Variants in GXYLT2 observed in about 807,000 individuals in gnomAD.
The protein encoded by GXYLT2 is glycosyltransferase 8 domain containing 4.
A neutral mutation model predicts 45.8 loss-of-function variants in GXYLT2; 53 were observed. The observed-to-expected ratio is 1.16, with a 90% CI of 0.93 to 1.46. The LOEUF (loss-of-function observed/expected upper bound fraction) is 1.46. GXYLT2 is among the 40% of genes most tolerant of loss of function. GXYLT2 has a pLI of 0.00. For synonymous variants in GXYLT2, 219 were observed against 214.2 expected, an observed-to-expected ratio of 1.02 and a Z score of -0.19; for missense variants, 551 against 544.4, an observed-to-expected ratio of 1.01 and a Z score of -0.12.
chr3:72,899,112 CT>C (rs1255874252), intron 1 of GXYLT2, among the ~76,000 whole-genome samples: 2 of 152,164 alleles, frequency 1.3e-5, no homozygotes, highest in East Asian at 3.8e-4. Flanking sequence ...TTAAGTCCCC[CT>C]CTCTGGGTTT....
intron 1 of GXYLT2, among the ~76,000 whole-genome samples, chr3:72,902,937 T>C (rs1709435523): frequency 6.6e-6 from 1 of 152,176 alleles, no homozygotes; most frequent in Admixed American, 6.5e-5. Flanking sequence ...CGTTTGAACC[T>C]GGGAGATAGA....
chr3:72,939,468 A>G (rs9854663), intron 3 of GXYLT2, among the ~76,000 whole-genome samples: 86,256 of 151,896 alleles, frequency 0.57, 25,393 homozygotes, highest in Admixed American at 0.64. Context: ...ACAGAAAAGG[A>G]AGCATTATAT....
chr3:72,916,824 A>G (rs538328304), intron 2 of GXYLT2, among the ~76,000 whole-genome samples: 2 of 151,216 alleles, frequency 1.3e-5, no homozygotes, highest in African/African-American at 4.9e-5. Flanking sequence ...GCCCAGCCGC[A>G]GTTGAGTTTT....
chr3:72,912,390 TCTC>T (rs1192040792), intron 2 of GXYLT2, among the ~76,000 whole-genome samples: 2 of 152,068 alleles, frequency 1.3e-5, no homozygotes, highest in African/African-American at 4.8e-5. Context: ...CTCAAGTGAT[TCTC>T]CTGCCTTGGC....
At chr3:72,943,846 A>G (rs1710347346) in intron 3 of GXYLT2, among the ~76,000 whole-genome samples, 1 of 149,778 alleles carries the variant, frequency 6.7e-6, no homozygotes, top group Admixed American at 6.7e-5. Context: ...CTTTCCATTG[A>G]GAGCATCATT....
rs577294961 is a variant in GXYLT2 at position 72,896,659 on chromosome 3, G to A, written c.275+8151G>A. On this transcript the variant is annotated intron_variant, in intron 1 of 6. Coordinates refer to ENST00000389617, the MANE Select transcript of GXYLT2 (RefSeq NM_001080393.2). ...AGATCAGGAGTTCGAGACCATCCTG[G>A]CCAATATGGTGAAACCTGGTCTCTA... 5.9e-5 allele frequency among the ~76,000 whole-genome samples: 9 copies of A among 152,162 alleles called. No homozygotes were observed. The South Asian group carries it at 1.9e-3, about 32-fold the overall frequency.
At chr3:72,933,473 AC>A in intron 3 of GXYLT2, among the ~76,000 whole-genome samples, 1 of 152,356 alleles carries the variant, frequency 6.6e-6, no homozygotes, top group East Asian at 1.9e-4. Flanking sequence ...TATGTTGATT[AC>A]TTACTGTAAC....
At chr3:72,922,386 A>G (rs1709847919) in intron 3 of GXYLT2, 51 bp downstream of exon 3, 16 of 1,571,202 alleles carry the variant, frequency 1.0e-5, no homozygotes, top group African/African-American at 1.4e-5. Flanking sequence ...GAAATAAGGT[A>G]AAATTAGCTG....
At chr3:72,906,329 A>G (rs1481795256) in intron 1 of GXYLT2, among the ~76,000 whole-genome samples, 1 of 151,978 alleles carries the variant, frequency 6.6e-6, no homozygotes, top group African/African-American at 2.4e-5. Flanking sequence ...AGACGTGCAC[A>G]TGGCTCGCTA....
chr3:72,936,175 C>T (rs1710172563), intron 3 of GXYLT2, among the ~76,000 whole-genome samples: 1 of 152,024 alleles, frequency 6.6e-6, no homozygotes, highest in African/African-American at 2.4e-5. Flanking sequence ...CCTGTAGTCC[C>T]AGCTATTTCC....
At chr3:72,904,560 G>T (rs972577052) in intron 1 of GXYLT2, among the ~76,000 whole-genome samples, 1 of 151,606 alleles carries the variant, frequency 6.6e-6, no homozygotes, top group Non-Finnish European at 1.5e-5. Flanking sequence ...TTTTTGTACT[G>T]TGCAGACCCA....
intron 2 of GXYLT2, among the ~76,000 whole-genome samples, chr3:72,916,461 T>C (rs1709745480): frequency 6.6e-6 from 1 of 151,642 alleles, no homozygotes; most frequent in South Asian, 2.1e-4. Context: ...GTGTTGAGTT[T>C]ATAGGTATGA....
intron 1 of GXYLT2, among the ~76,000 whole-genome samples, chr3:72,891,141 T>TAC (rs1187007817): frequency 6.6e-6 from 1 of 152,142 alleles, no homozygotes; most frequent in Non-Finnish European, 1.5e-5. Context: ...AGCCTCGTGT[T>TAC]TTCAGAAAAC....
At position 72,888,506 on chromosome 3, in the gene GXYLT2, G is replaced by A. The variant is rs1036612362; in HGVS notation, c.273G>A (p.Ala91=). The A allele has an allele frequency of 8.1e-7, 1 of 1,235,982 alleles. No homozygotes were observed. Among genetic ancestry groups the A allele is most frequent in the Non-Finnish European group, 1.0e-6 (1 of 987,756 alleles). 76.6% of individuals were successfully genotyped at this position (1,235,982 alleles called of 1,614,324 possible). A position where few individuals can be genotyped will look rare whatever the true frequency, so the allele number is the denominator to read the frequency against. ...GCGCTGCGAGACTGGAGAAGTTGGC[G>A]AGGTGAGTCGTGGCAACCCCAGAAT... ...RRGAARLEKL[A]RRPGEPRSFQ... The change falls in exon 1 of 7, where the codon GCG becomes GCA. Residue 91 remains alanine (A), a splice_region_variant and synonymous_variant. Transcript: ENST00000389617.
intron 1 of GXYLT2, among the ~76,000 whole-genome samples, chr3:72,890,397 A>G (rs916828593): frequency 3.3e-5 from 5 of 152,228 alleles, no homozygotes; most frequent in African/African-American, 9.6e-5. Context: ...CATGCACAAC[A>G]AAGTTTGAGA....
intron 5 of GXYLT2, among the ~76,000 whole-genome samples, chr3:72,958,906 G>A (rs565207270): frequency 5.3e-5 from 8 of 149,966 alleles, no homozygotes; most frequent in African/African-American, 1.7e-4. Flanking sequence ...TGCTGGGATT[G>A]TAGGCATCAG....
intron 3 of GXYLT2, among the ~76,000 whole-genome samples, chr3:72,941,060 C>T (rs1478453100): frequency 1.3e-5 from 2 of 152,192 alleles, no homozygotes; most frequent in Non-Finnish European, 2.9e-5. Flanking sequence ...TGCAAGCTAT[C>T]TGTTCACATT....
intron 3 of GXYLT2, among the ~76,000 whole-genome samples, chr3:72,943,582 G>T (rs1710340235): frequency 2.0e-5 from 3 of 151,958 alleles, no homozygotes. Context: ...TCACCATGTT[G>T]CCCAGGCTGG....
intron 3 of GXYLT2, chr3:72,929,224 TGAG>T (rs910646931): frequency 6.4e-7 from 1 of 1,572,206 alleles, no homozygotes; most frequent in Non-Finnish European, 8.6e-7. Context: ...ACCAATCTCA[TGAG>T]GAGAGGGAAC....
Sources: gnomAD v4.1 joint callset for allele counts (sites outside exome capture counted in the v4.1 genomes callset) on GRCh38, gnomAD v4.1.1 for gene constraint, MANE v1.5 for transcripts, NCBI Gene and HGNC (gene_info 2026-07-23, HGNC 2026-07-21) for gene names.